Variants in RBM10 observed in about 807,000 individuals in gnomAD.
The protein encoded by RBM10 is RNA-binding protein 10.
RBM10 carries 1 observed loss-of-function variant against 84.9 expected under a neutral mutation model. The observed-to-expected ratio is 0.01, with a 90% CI of 0.00 to 0.06. The LOEUF is 0.06. Ranked by LOEUF, RBM10 falls within the 10% of genes least tolerant of loss-of-function variation. RBM10 has a pLI of 1.00. For missense variants in RBM10, 438 were observed against 839.0 expected, an observed-to-expected ratio of 0.52 and a Z score of 5.90; for synonymous variants, 326 against 344.5, an observed-to-expected ratio of 0.95 and a Z score of 0.60.
intron 7 of RBM10, 94 bp from the exon 8 acceptor site, chrX:47,179,009 C>T: frequency 8.6e-7 from 1 of 1,167,938 alleles, no homozygotes; most frequent in African/African-American, 1.8e-5. Flanking sequence ...CTTCCTGGGG[C>T]ACTGCGGGGT....
At chrX:47,155,718 G>A (rs1465518331) in intron 2 of RBM10, among the ~76,000 whole-genome samples, 1 of 86,228 alleles carries the variant, frequency 1.2e-5, no homozygotes, top group Non-Finnish European at 2.2e-5. Context: ...GCAACAGAGC[G>A]AGACTCCATC....
intron 11 of RBM10, 24 bp downstream of exon 11, chrX:47,180,333 T>TTCCCC: frequency 9.0e-7 from 1 of 1,107,396 alleles, no homozygotes; most frequent in Non-Finnish European, 1.2e-6. Context: ...CTGTGTGCCT[T>TTCCCC]CCCACCCTTC....
rs1556782610 is a variant in RBM10, at chrX:47,186,325, A to G, written c.2605A>G (p.Met869Val). 8.3e-7 allele frequency: 1 copy of G among 1,203,384 alleles called. No individual in the cohort carries two copies. Among genetic ancestry groups the G allele is most frequent in the Non-Finnish European group, 1.1e-6 (1 of 890,946 alleles). ...DNIGSRMLQA[M>V]GWKEGSGLGR... Reference sequence around the variant, plus strand: ...CATTGGCAGTCGGATGCTGCAGGCCATGGGCTGGAAAGAGGGCAGCGGCCT... The same window carrying G: ...CATTGGCAGTCGGATGCTGCAGGCCGTGGGCTGGAAAGAGGGCAGCGGCCT... Residue 869 changes from methionine (M) to valine (V), a missense_variant, in exon 23 of 24, where the codon ATG becomes GTG. This residue lies in a region of RBM10 where 92 missense variants were observed against 199.9 expected (regional missense o/e 0.46). Transcript: ENST00000377604.
At position 47,180,303 on chromosome X, in the gene RBM10, C is replaced by T. The variant is rs2147177898; in HGVS notation, c.1154C>T (p.Ser385Phe). The change falls in exon 11 of 24, where the codon TCT (serine) becomes TTT (phenylalanine). Residue 385 changes from serine to phenylalanine, a missense_variant. By Grantham distance (155) the Ser-to-Phe change is radical. Transcript: ENST00000377604. ...KTINVEFAKGSKRDMASNEGS... is the reference protein window; with the variant it reads ...KTINVEFAKGFKRDMASNEGS... ...ATCAATGTTGAGTTTGCCAAGGGTT[C>T]TAAGAGGTCAGGGCCCCACCTGTGT... 8.4e-7 allele frequency: 1 copy of T among 1,196,396 alleles called. No homozygotes were observed. Among genetic ancestry groups the T allele is most frequent in the Non-Finnish European group, 1.1e-6 (1 of 886,773 alleles).
intron 5 of RBM10, among the ~76,000 whole-genome samples, chrX:47,174,542 C>A (rs1018998112): frequency 6.2e-5 from 7 of 112,015 alleles, no homozygotes; most frequent in Non-Finnish European, 1.3e-4. Flanking sequence ...ACACCTGTTA[C>A]AGGACCCCTC....
intron 2 of RBM10, among the ~76,000 whole-genome samples, chrX:47,155,366 C>T (rs1933013069): frequency 9.1e-6 from 1 of 110,237 alleles, no homozygotes; most frequent in African/African-American, 3.3e-5. Flanking sequence ...GATATTTGCC[C>T]CATTTGTTAC....
At chrX:47,158,428 C>A (rs1319581974) in intron 2 of RBM10, among the ~76,000 whole-genome samples, 1 of 111,671 alleles carries the variant, frequency 9.0e-6, no homozygotes, top group African/African-American at 3.3e-5. Context: ...TTTTCATACG[C>A]AGTTTCACTC....
chrX:47,157,460 C>T, intron 2 of RBM10: 2 of 383,104 alleles, frequency 5.2e-6, no homozygotes, highest in Non-Finnish European at 9.7e-6. Context: ...TCTTCTCCAG[C>T]AGCCACATGG....
At chrX:47,157,105 C>A in intron 2 of RBM10, 1 of 257,702 alleles carries the variant, frequency 3.9e-6, no homozygotes, top group South Asian at 4.2e-5. Context: ...CGGATGACCT[C>A]TTTGCTCGGC....
intron 2 of RBM10, among the ~76,000 whole-genome samples, chrX:47,148,670 T>C (rs1932506723): frequency 1.9e-5 from 1 of 53,925 alleles, no homozygotes; most frequent in Non-Finnish European, 3.4e-5. Flanking sequence ...ATGATACATA[T>C]CATAGAAAAT....
At chrX:47,181,108 A>G in intron 12 of RBM10, 107 bp from the exon 13 acceptor site, 1 of 514,780 alleles carries the variant, frequency 1.9e-6, no homozygotes, top group Non-Finnish European at 3.2e-6. Context: ...TTTGTCTGTC[A>G]GGTAGAAATA....
Position 47,181,346 on chromosome X carries a change from C to T in RBM10, c.1380C>T (p.Leu460=). 8.3e-7 allele frequency: 1 copy of T among 1,201,247 alleles called. No homozygotes were observed. Among genetic ancestry groups the T allele is most frequent in the Non-Finnish European group, 1.1e-6 (1 of 889,968 alleles). ...CTTCCCTCTATGCCCATGGCTACCT[C>T]AAGGGCACCAAGGGCCCTGGCATCA... ...TESSLYAHGY[L]KGTKGPGITG... Residue 460 remains leucine, a synonymous_variant, in exon 13 of 24, where the codon CTC becomes CTT. Transcript: ENST00000377604.
In RBM10 at chrX:47,181,258, C is replaced by T. The variant is rs11551150; in HGVS notation, c.1292C>T (p.Pro431Leu). The T allele has an allele frequency of 4.3e-6, 5 of 1,171,552 alleles. No homozygotes were observed. Among genetic ancestry groups the T allele is most frequent in the South Asian group, 3.8e-5 (2 of 53,109 alleles). Residue 431 changes from proline to leucine, a missense_variant, in exon 13 of 24, where the codon CCG (proline) becomes CTG (leucine). Pro to Leu is a moderately conservative substitution (Grantham distance 98). Coordinates refer to ENST00000377604, the MANE Select transcript of RBM10 (RefSeq NM_005676.5). ...GEGTWATSEE[P>L]PVDYSYYQQD... ...GGTACCTGGGCCACCTCCGAGGAGC[C>T]GCCGGTCGACTACAGCTACTACCAA...
At position 47,181,932 on chromosome X, in the gene RBM10, C is replaced by T. The variant is rs372268579; in HGVS notation, c.1694-19C>T. 201 of 1,208,722 alleles carry T rather than the reference C, an allele frequency of 1.7e-4. 1 individual carries two copies. In the African/African-American group the frequency reaches 2.6e-3, roughly 15 times the overall value. ...AATAAAGCAGGGAATAGTGTGACCC[C>T]GTTCCCCTCACCCCCTAGCTGTTCC... On this transcript the variant is annotated intron_variant, in intron 15 of 23. Transcript: ENST00000377604.
intron 4 of RBM10, among the ~76,000 whole-genome samples, chrX:47,172,660 ACATTTATGT>A (rs1556773913): frequency 1.1e-4 from 12 of 112,794 alleles, no homozygotes; most frequent in Non-Finnish European, 2.1e-4. Context: ...CCCCAGTTTG[ACATTTATGT>A]CATGGATCTC....
At chrX:47,169,608 A>C in intron 3 of RBM10, 110 bp downstream of exon 3, 1 of 838,787 alleles carries the variant, frequency 1.2e-6, no homozygotes, top group Non-Finnish European at 1.7e-6. Context: ...GTGCCTTCAG[A>C]CTGTGCTCGG....
chrX:47,176,714 GTCTCTCTCTCTCTCTC>G lies in RBM10; in HGVS notation c.663+143_663+158del, dbSNP rs59489451. ...CTCCCCCAATCTCTCCTCTCCCTCT[GTCTCTCTCTCTCTCTC>G]TCTCTCTCTCTCTCATTCTCTATCC... On this transcript the variant is annotated intron_variant, in intron 7 of 23. Coordinates refer to ENST00000377604, the MANE Select transcript of RBM10 (RefSeq NM_005676.5). 6 of 949,963 alleles carry G rather than the reference GTCTCTCTCTCTCTCTC, an allele frequency of 6.3e-6. No individual in the cohort carries two copies. The East Asian group carries it at 2.1e-4, about 34-fold the overall frequency. 78.3% of individuals were successfully genotyped at this position (949,963 alleles called of 1,213,427 possible).
chrX:47,161,230 C>T (rs1933655994), intron 2 of RBM10, among the ~76,000 whole-genome samples: 1 of 111,590 alleles, frequency 9.0e-6, no homozygotes, highest in African/African-American at 3.3e-5. Context: ...ATGTGAGCCA[C>T]TACATCTGGC....
Position 47,145,501 on chromosome X carries a change from G to C in RBM10, c.-126+16G>C. 1.7e-6 allele frequency: 2 copies of C among 1,153,079 alleles called. No homozygotes were observed. Among genetic ancestry groups the C allele is most frequent in the Non-Finnish European group, 2.3e-6 (2 of 871,381 alleles). On this transcript the variant is annotated intron_variant, in intron 1 of 23. Transcript: ENST00000377604. ...GGCCGAGAAGGTGAGCGTCGACGCTGGTCGTGGGGGCGGAGGTAAGGGGCC... is the reference window on the plus strand; with the variant it reads ...GGCCGAGAAGGTGAGCGTCGACGCTCGTCGTGGGGGCGGAGGTAAGGGGCC...
Sources: allele counts gnomAD v4.1 joint callset (sites outside exome capture counted in the v4.1 genomes callset), GRCh38; gene constraint gnomAD v4.1.1; regional missense constraint gnomAD v4.1.1; transcripts MANE v1.5; gene names NCBI Gene and HGNC (gene_info 2026-07-23, HGNC 2026-07-21).